CNTNAP2: variants seen among roughly 807,000 people sequenced by gnomAD.
CNTNAP2 encodes the protein contactin-associated protein-like 2.
A neutral mutation model predicts 155.2 loss-of-function variants in CNTNAP2; 98 were observed. The ratio of observed to expected loss-of-function variants is 0.63; its 90% CI spans 0.54 to 0.75. The LOEUF is 0.75. Ranked by LOEUF, CNTNAP2 falls within the 30% of genes least tolerant of loss-of-function variation. CNTNAP2 has a pLI of 0.00. For synonymous variants in CNTNAP2, 651 were observed against 631.2 expected (o/e 1.03, Z -0.47); for missense variants, 1,727 against 1,688.1 (o/e 1.02, Z -0.40).
intron 12 of CNTNAP2, among the ~76,000 whole-genome samples, chr7:147,633,343 A>C (rs1795121300): frequency 6.6e-6 from 1 of 152,174 alleles, no homozygotes; most frequent in Non-Finnish European, 1.5e-5. Context: ...TCTAAACAGA[A>C]GTTTGCTTTG....
At chr7:147,508,791 A>T (rs1030203710) in intron 11 of CNTNAP2, among the ~76,000 whole-genome samples, 1 of 152,156 alleles carries the variant, frequency 6.6e-6, no homozygotes, top group African/African-American at 2.4e-5. Flanking sequence ...CTTGCCTGAC[A>T]CTATGTAAGA....
intron 14 of CNTNAP2, among the ~76,000 whole-genome samples, chr7:147,920,805 C>CTTTTT (rs1219556681): frequency 7.2e-4 from 72 of 100,644 alleles, no homozygotes; most frequent in African/African-American, 2.4e-3. Flanking sequence ...CTGCTCCTGT[C>CTTTTT]TTTTTTTTTT....
intron 18 of CNTNAP2, among the ~76,000 whole-genome samples, chr7:148,212,510 G>A (rs982671499): frequency 1.3e-5 from 2 of 151,998 alleles, no homozygotes; most frequent in Non-Finnish European, 2.9e-5. Context: ...TAGACTATTA[G>A]CATTATCTAT....
chr7:147,272,374 A>T (rs549577041), intron 8 of CNTNAP2, among the ~76,000 whole-genome samples: 1 of 152,222 alleles, frequency 6.6e-6, no homozygotes, highest in Non-Finnish European at 1.5e-5. Flanking sequence ...ATTTTTCACA[A>T]GTAAGCACTA....
intron 3 of CNTNAP2, among the ~76,000 whole-genome samples, chr7:147,021,013 C>A (rs1330459604): frequency 1.3e-5 from 2 of 152,158 alleles, no homozygotes; most frequent in Non-Finnish European, 2.9e-5. Context: ...TGGATGCATG[C>A]TTTTGATAAA....
At chr7:146,189,294 G>C (rs1216298238) in intron 1 of CNTNAP2, among the ~76,000 whole-genome samples, 1 of 152,074 alleles carries the variant, frequency 6.6e-6, no homozygotes, top group Non-Finnish European at 1.5e-5. Flanking sequence ...TGTGTACATA[G>C]TTAATGCTCA....
chr7:146,623,312 G>A (rs148178412), intron 1 of CNTNAP2, among the ~76,000 whole-genome samples: 2 of 152,024 alleles, frequency 1.3e-5, no homozygotes, highest in East Asian at 1.9e-4. Context: ...ATATATTAAG[G>A]TTTTCTCTTC....
At chr7:147,408,651 G>A (rs948350221) in intron 10 of CNTNAP2, among the ~76,000 whole-genome samples, 9 of 152,244 alleles carry the variant, frequency 5.9e-5, no homozygotes, top group African/African-American at 1.7e-4. Context: ...CCAGCTACTC[G>A]GGAGGCTGAG....
chr7:148,298,150 C>A (rs1797318917), intron 21 of CNTNAP2, among the ~76,000 whole-genome samples: 2 of 152,130 alleles, frequency 1.3e-5, no homozygotes. Context: ...TGACCTTAAT[C>A]CTATAAAAAC....
chr7:146,501,797 A>G (rs1797304034), intron 1 of CNTNAP2, among the ~76,000 whole-genome samples: 1 of 152,152 alleles, frequency 6.6e-6, no homozygotes. Context: ...GACAAGTGTC[A>G]TTATAAGAGA....
intron 1 of CNTNAP2, among the ~76,000 whole-genome samples, chr7:146,334,038 A>G (rs956549003): frequency 9.2e-5 from 14 of 152,230 alleles, no homozygotes; most frequent in Middle Eastern, 3.2e-3. Context: ...AGTCTCCACC[A>G]TAGCAGAAGA....
intron 11 of CNTNAP2, among the ~76,000 whole-genome samples, chr7:147,527,011 A>ATTTTTTTTTTTTTT (rs1562981271): frequency 2.5e-5 from 2 of 81,628 alleles, no homozygotes; most frequent in South Asian, 3.5e-4. Flanking sequence ...GAAGACAGGC[A>ATTTTTTTTTTTTTT]TTTCTTTTTT....
At chr7:148,324,794 C>CAAAAAAAAAAAAAAAAAAAA (rs72157861) in intron 21 of CNTNAP2, among the ~76,000 whole-genome samples, 1 of 105,820 alleles carries the variant, frequency 9.5e-6, no homozygotes, top group African/African-American at 3.7e-5. Context: ...GACTCCATCT[C>CAAAAAAAAAAAAAAAAAAAA]AAAAAAAAAA....
intron 13 of CNTNAP2, among the ~76,000 whole-genome samples, chr7:147,652,685 CTA>C (rs747620466): frequency 1.2e-4 from 18 of 150,702 alleles, no homozygotes; most frequent in Non-Finnish European, 1.8e-4. Context: ...CCTCTAGACT[CTA>C]TATATTTTCT....
chr7:147,091,475 AAG>A (rs1800402268), intron 4 of CNTNAP2, among the ~76,000 whole-genome samples: 1 of 152,070 alleles, frequency 6.6e-6, no homozygotes, highest in Admixed American at 6.5e-5. Context: ...TTTTTGAGAC[AAG>A]AGTCTCGCTC....
At chr7:148,349,688 AC>A (rs1245495683) in intron 21 of CNTNAP2, among the ~76,000 whole-genome samples, 2 of 152,182 alleles carry the variant, frequency 1.3e-5, no homozygotes, top group Non-Finnish European at 2.9e-5. Context: ...GGCGTGAGCC[AC>A]CGCGCCAGGC....
chr7:146,894,035 CTG>C (rs1382113864), intron 3 of CNTNAP2, among the ~76,000 whole-genome samples: 4 of 152,162 alleles, frequency 2.6e-5, no homozygotes, highest in African/African-American at 7.2e-5. Flanking sequence ...CCTATAGAAA[CTG>C]TGAAAGGACC....
At chr7:148,281,485 G>A (rs1796972457) in intron 21 of CNTNAP2, among the ~76,000 whole-genome samples, 1 of 152,214 alleles carries the variant, frequency 6.6e-6, no homozygotes, top group South Asian at 2.1e-4. Context: ...AGTGATAGGT[G>A]AGAAATAATA....
chr7:147,962,511 C>T (rs969001676), intron 14 of CNTNAP2, among the ~76,000 whole-genome samples: 14 of 152,138 alleles, frequency 9.2e-5, no homozygotes, highest in African/African-American at 3.4e-4. Flanking sequence ...CTTCTTTATA[C>T]ATGTGTTGAA....
Sources: allele counts gnomAD v4.1 joint callset (sites outside exome capture counted in the v4.1 genomes callset), GRCh38; gene constraint gnomAD v4.1.1; transcripts MANE v1.5; gene names NCBI Gene and HGNC (gene_info 2026-07-23, HGNC 2026-07-21).